WBP2NL: variants seen among roughly 807,000 people sequenced by gnomAD.
WBP2NL encodes the protein WBP2 N-terminal like.
In WBP2NL, 27 loss-of-function variants were observed where a neutral mutation model predicts 23.3. That is an observed-to-expected ratio of 1.16 (90% CI 0.85 to 1.60). WBP2NL has a LOEUF of 1.60. WBP2NL is among the 40% of genes most tolerant of loss of function. The pLI is 0.00. For missense variants in WBP2NL, 370 were observed against 389.5 expected (o/e 0.95, Z 0.42); for synonymous variants, 151 against 145.9 (o/e 1.03, Z -0.25).
chr22:42,044,628 C>T (rs1925515411), intron 8 of WBP2NL, among the ~76,000 whole-genome samples: 1 of 152,042 alleles, frequency 6.6e-6, no homozygotes, highest in African/African-American at 2.4e-5. Flanking sequence ...CGAGGGGAGA[C>T]CCTGTCTCTA....
intron 8 of WBP2NL, among the ~76,000 whole-genome samples, chr22:42,047,284 AAAAAAAG>A (rs972688112): frequency 2.0e-5 from 3 of 151,320 alleles, no homozygotes; most frequent in African/African-American, 7.3e-5. Flanking sequence ...AAAAAAAAAA[AAAAAAAG>A]AAAATCGGAG....
chr22:42,000,887 C>G (rs1167265266), intron 1 of WBP2NL, among the ~76,000 whole-genome samples: 2 of 151,818 alleles, frequency 1.3e-5, no homozygotes, highest in Non-Finnish European at 2.9e-5. Context: ...AAAGGTGAAC[C>G]AAAAGGTTGA....
intron 8 of WBP2NL, among the ~76,000 whole-genome samples, chr22:42,047,268 TC>T (rs1314194430): frequency 0.11 from 4,000 of 36,148 alleles, 211 homozygotes; most frequent in African/African-American, 0.31. Flanking sequence ...ATTTTCAAGC[TC>T]AAAAAAAAAA....
intron 8 of WBP2NL, among the ~76,000 whole-genome samples, chr22:42,038,865 A>G (rs1835064981): frequency 2.0e-5 from 3 of 151,912 alleles, no homozygotes; most frequent in South Asian, 2.1e-4. Flanking sequence ...CGGCCTCCCA[A>G]AGTGCTGGGA....
intron 1 of WBP2NL, among the ~76,000 whole-genome samples, chr22:42,005,081 G>GT (rs1922089156): frequency 6.6e-6 from 1 of 151,998 alleles, no homozygotes; most frequent in Non-Finnish European, 1.5e-5. Context: ...GCCAGGCGTG[G>GT]TGGTGCGTGC....
Position 42,008,088 on chromosome 22 carries a change from CTTCCTTTCCT to C in WBP2NL, c.62+9231_62+9240del, listed in dbSNP as rs572686268. Among the ~76,000 whole-genome samples, 210 of 123,842 alleles carry C rather than the reference CTTCCTTTCCT, an allele frequency of 1.7e-3. 1 individual carries two copies. Among genetic ancestry groups the C allele is most frequent in the African/African-American group, 5.5e-3 (179 of 32,842 alleles). The allele number at this position is 123,842 out of a possible 152,430, so 81.2% of individuals were successfully genotyped here. ...TGTTTTTCTTCTCTTCTCTTCTCCT[CTTCCTTTCCT>C]TTCCTTTCCTTTCCTTTCCTTTGCT... On this transcript the variant is annotated intron_variant, in intron 1 of 5. Coordinates refer to ENST00000328823, the MANE Select transcript of WBP2NL (RefSeq NM_152613.3).
At chr22:42,022,139 G>T (rs1924036068) in intron 4 of WBP2NL, 110 bp from the exon 5 acceptor site, 1 of 893,468 alleles carries the variant, frequency 1.1e-6, no homozygotes, top group Non-Finnish European at 1.8e-6. Flanking sequence ...AGCATTGTTG[G>T]AAACACATGT....
At chr22:42,022,931 T>C (rs1226943006) in intron 5 of WBP2NL, among the ~76,000 whole-genome samples, 1 of 152,198 alleles carries the variant, frequency 6.6e-6, no homozygotes, top group Non-Finnish European at 1.5e-5. Context: ...GGGCCTTTAG[T>C]TTTGTATGTA....
chr22:42,041,231 C>T (rs1446608299), intron 8 of WBP2NL, among the ~76,000 whole-genome samples: 1 of 152,156 alleles, frequency 6.6e-6, no homozygotes, highest in Non-Finnish European at 1.5e-5. Context: ...GTAATCCCAG[C>T]ACTTTGGGAG....
At chr22:42,018,536 C>G (rs1923563347) in intron 1 of WBP2NL, among the ~76,000 whole-genome samples, 1 of 151,588 alleles carries the variant, frequency 6.6e-6, no homozygotes, top group Admixed American at 6.6e-5. Flanking sequence ...AAAAAGAACC[C>G]AGCAGGATTT....
intron 1 of WBP2NL, among the ~76,000 whole-genome samples, chr22:42,004,237 A>C (rs1174784194): frequency 6.6e-6 from 1 of 152,118 alleles, no homozygotes; most frequent in Non-Finnish European, 1.5e-5. Context: ...ACGTGACTGC[A>C]CTCCAGCCTG....
chr22:42,021,392 C>G (rs1602460392), intron 4 of WBP2NL, among the ~76,000 whole-genome samples: 1 of 152,262 alleles, frequency 6.6e-6, no homozygotes, highest in Admixed American at 6.5e-5. Context: ...TAATGGATCC[C>G]CAGATATATC....
At chr22:42,011,790 G>T (rs1295977814) in intron 1 of WBP2NL, among the ~76,000 whole-genome samples, 2 of 147,858 alleles carry the variant, frequency 1.4e-5, no homozygotes, top group African/African-American at 5.0e-5. Flanking sequence ...TTGTTGTTTT[G>T]GAGACAGAGT....
chr22:42,009,553 C>T (rs1322970558), intron 1 of WBP2NL, among the ~76,000 whole-genome samples: 2 of 152,160 alleles, frequency 1.3e-5, no homozygotes, highest in Non-Finnish European at 2.9e-5. Context: ...TCTAAAAGGA[C>T]ATCATTTGTT....
intron 1 of WBP2NL, chr22:42,001,290 A>G (rs1182821549): frequency 7.3e-6 from 5 of 689,010 alleles, no homozygotes; most frequent in Middle Eastern, 7.3e-4. Context: ...TAGGAAGTCA[A>G]CCCAGCAACG....
chr22:42,015,960 C>T (rs1923270353), intron 1 of WBP2NL, among the ~76,000 whole-genome samples: 2 of 152,022 alleles, frequency 1.3e-5, no homozygotes, highest in Non-Finnish European at 1.5e-5. Context: ...CGCTAGGTAG[C>T]AGCAACTAAT....
At chr22:42,024,920 A>T (rs1445365069) in intron 5 of WBP2NL, among the ~76,000 whole-genome samples, 1 of 151,144 alleles carries the variant, frequency 6.6e-6, no homozygotes, top group Non-Finnish European at 1.5e-5. Context: ...CTTGTGCCTC[A>T]GCCTCCTGAA....
At chr22:42,010,288 A>G (rs1263467880) in intron 1 of WBP2NL, among the ~76,000 whole-genome samples, 1 of 152,098 alleles carries the variant, frequency 6.6e-6, no homozygotes, top group African/African-American at 2.4e-5. Flanking sequence ...AATACCATTT[A>G]TTTATTTATT....
Position 42,047,557 on chromosome 22 carries a change from A to C in WBP2NL, c.*274-10733A>C, listed in dbSNP as rs530619836. On this transcript the variant is annotated intron_variant and NMD_transcript_variant, in intron 8 of 8. Coordinates refer to the WBP2NL transcript ENST00000436265. ...GTGAGCTGAGATCACGCCACTGCAC[A>C]GAGCGAGTCTCATCTCAAAAACAAC... Among the ~76,000 whole-genome samples, 427 of 151,164 alleles carry C rather than the reference A, an allele frequency of 2.8e-3. 1 individual carries two copies. The highest frequency in any genetic ancestry group is 5.3e-3 in the Non-Finnish European group (358 of 67,758).
Sources: gnomAD v4.1 joint callset for allele counts (sites outside exome capture counted in the v4.1 genomes callset) on GRCh38, gnomAD v4.1.1 for gene constraint, MANE v1.5 for transcripts, NCBI Gene and HGNC (gene_info 2026-07-23, HGNC 2026-07-21) for gene names.